Variants in METTL25 observed in about 807,000 individuals in gnomAD.
METTL25 encodes methyltransferase like 25.
A neutral mutation model predicts 71.6 loss-of-function variants in METTL25; 64 were observed. The ratio of observed to expected loss-of-function variants is 0.89; its 90% CI spans 0.73 to 1.10. METTL25 has a LOEUF of 1.10. Among genes scored for constraint, METTL25 ranks in the 50% least tolerant of loss-of-function variants. The pLI is 0.00. For synonymous variants in METTL25, 287 were observed against 250.3 expected (o/e 1.15, Z -1.38); for missense variants, 807 against 707.0 (o/e 1.14, Z -1.60).
At chr12:82,456,434 A>G (rs1891491792) in intron 8 of METTL25, among the ~76,000 whole-genome samples, 1 of 151,948 alleles carries the variant, frequency 6.6e-6, no homozygotes, top group Admixed American at 6.6e-5. Context: ...GCACAATGGA[A>G]ACTTTTGAAA....
At chr12:82,471,783 A>G (rs1289223609) in intron 9 of METTL25, among the ~76,000 whole-genome samples, 9 of 152,228 alleles carry the variant, frequency 5.9e-5, no homozygotes, top group Admixed American at 4.6e-4. Context: ...AGTAGATTTC[A>G]TAATAATAGC....
chr12:82,430,217 T>TAAA (rs1724911205), intron 5 of METTL25, among the ~76,000 whole-genome samples: 2 of 151,448 alleles, frequency 1.3e-5, no homozygotes, highest in African/African-American at 4.8e-5. Context: ...GTGGAACTAA[T>TAAA]AGTTCTACAT....
intron 9 of METTL25, among the ~76,000 whole-genome samples, chr12:82,463,598 C>T (rs759887301): frequency 4.0e-5 from 6 of 151,886 alleles, no homozygotes; most frequent in Admixed American, 1.3e-4. Flanking sequence ...GAGTAAATGC[C>T]AAGTAGTGGG....
At chr12:82,386,534 C>T (rs998130268) in intron 1 of METTL25, among the ~76,000 whole-genome samples, 2 of 145,614 alleles carry the variant, frequency 1.4e-5, no homozygotes, top group African/African-American at 5.0e-5. Context: ...CTGTCTCTGT[C>T]TCTTTCTTTC....
At chr12:82,469,966 T>A (rs1280143559) in intron 9 of METTL25, among the ~76,000 whole-genome samples, 4 of 152,172 alleles carry the variant, frequency 2.6e-5, no homozygotes, top group Non-Finnish European at 5.9e-5. Flanking sequence ...ATGCTAAAAC[T>A]GACTCAGTCC....
At chr12:82,394,988 C>A (rs11115269) in intron 3 of METTL25, among the ~76,000 whole-genome samples, 1 of 151,596 alleles carries the variant, frequency 6.6e-6, no homozygotes, top group African/African-American at 2.4e-5. Context: ...GTAGTAGGAG[C>A]TGAGGTTGTG....
intron 1 of METTL25, among the ~76,000 whole-genome samples, chr12:82,383,987 A>T (rs1039411906): frequency 6.6e-6 from 1 of 152,108 alleles, no homozygotes; most frequent in East Asian, 1.9e-4. Context: ...CCATCTTATA[A>T]CTTGTCTTAT....
Position 82,392,519 on chromosome 12 carries a change from C to T in METTL25, c.531+2597C>T, listed in dbSNP as rs112349788. On this transcript the variant is annotated intron_variant, in intron 3 of 11. Transcript: ENST00000248306. ...GAGTTGTTTGTGTCCCTTATGTATT[C>T]TGGTTGTTGATCCCTTGTCGAATGG... 4.4e-3 allele frequency among the ~76,000 whole-genome samples: 662 copies of T among 151,972 alleles called. 3 individuals are homozygous for T. Among genetic ancestry groups the T allele is most frequent in the South Asian group, 0.012 (57 of 4,810 alleles).
chr12:82,385,587 GCTTT>G (rs1320414954), intron 1 of METTL25, among the ~76,000 whole-genome samples: 1 of 152,058 alleles, frequency 6.6e-6, no homozygotes, highest in Non-Finnish European at 1.5e-5. Context: ...AAATTGGAAG[GCTTT>G]CTTTTAACTC....
Position 82,476,651 on chromosome 12 carries a change from A to G in METTL25, c.1580A>G (p.Glu527Gly). The change falls in exon 10 of 12, where the codon GAA (glutamate) becomes GGA (glycine). Residue 527 changes from glutamate (E) to glycine (G), a missense_variant. By Grantham distance (98) the Glu-to-Gly change is moderately conservative. Transcript: ENST00000248306. ...TTGTTTTTTATCTTGAAGCTGCCAG[A>G]AAAAATTATAATGAACTACTACGAG... ...KLGLDESKLP[E>G]KIIMNYYEKY... The G allele has an allele frequency of 6.3e-7, 1 of 1,591,740 alleles. No homozygotes were observed. The highest frequency in any genetic ancestry group is 8.6e-7 in the Non-Finnish European group (1 of 1,168,780).
intron 1 of METTL25, among the ~76,000 whole-genome samples, chr12:82,386,391 A>G (rs1242998358): frequency 6.6e-6 from 1 of 151,888 alleles, no homozygotes; most frequent in African/African-American, 2.4e-5. Context: ...TAATAAATAC[A>G]TCACTATTCA....
At chr12:82,368,533 G>T (rs1345130254) in intron 1 of METTL25, among the ~76,000 whole-genome samples, 2 of 152,106 alleles carry the variant, frequency 1.3e-5, no homozygotes, top group Non-Finnish European at 2.9e-5. Context: ...GCCCCCTAAG[G>T]TACCAGAAGT....
At chr12:82,477,207 A>G (rs1029659632) in intron 10 of METTL25, 74 bp from the exon 11 acceptor site, 5 of 659,992 alleles carry the variant, frequency 7.6e-6, no homozygotes, top group South Asian at 4.7e-5. Flanking sequence ...TTATTTAAAC[A>G]TAAGTTTAAG....
At chr12:82,462,825 G>C (rs117689719) in intron 9 of METTL25, among the ~76,000 whole-genome samples, 2,148 of 152,098 alleles carry the variant, frequency 0.014, 25 homozygotes, top group Non-Finnish European at 0.023. Flanking sequence ...TATTTGTATA[G>C]AACCTATGCA....
intron 9 of METTL25, chr12:82,468,913 A>AT (rs1305458284): frequency 6.6e-6 from 1 of 152,184 alleles, no homozygotes; most frequent in Non-Finnish European, 1.5e-5. Context: ...CTGCAGAGCC[A>AT]TGAACCAGTA....
In METTL25 at chr12:82,475,708, T is replaced by C. The variant is rs1892842899; in HGVS notation, c.1573-936T>C. ...GGGAGGGCTGCTTTTTTGCAAAAAT[T>C]ATAGAATCAATTTTTCCTGTTGCTT... On this transcript the variant is annotated intron_variant, in intron 9 of 11. Coordinates refer to ENST00000248306, the MANE Select transcript of METTL25 (RefSeq NM_032230.3). Among the ~76,000 whole-genome samples the C allele has an allele frequency of 2.6e-5, 4 of 152,224 alleles. No homozygotes were observed. In the South Asian group the frequency reaches 6.2e-4, roughly 24 times the overall value.
At chr12:82,450,042 C>T (rs1233859733) in intron 8 of METTL25, among the ~76,000 whole-genome samples, 1 of 152,146 alleles carries the variant, frequency 6.6e-6, no homozygotes, top group Non-Finnish European at 1.5e-5. Flanking sequence ...GTATTGCACC[C>T]AATTTTCCAC....
intron 11 of METTL25, among the ~76,000 whole-genome samples, 175 bp from the exon 12 acceptor site, chr12:82,478,757 A>G (rs1054963265): frequency 2.6e-5 from 4 of 152,074 alleles, no homozygotes; most frequent in African/African-American, 9.6e-5. Flanking sequence ...TCCTCAGCAT[A>G]AACTTTTTTG....
At chr12:82,465,321 T>G (rs948985838) in intron 9 of METTL25, among the ~76,000 whole-genome samples, 1 of 152,078 alleles carries the variant, frequency 6.6e-6, no homozygotes, top group Admixed American at 6.6e-5. Flanking sequence ...GAAGGGATGT[T>G]GAATTTTATC....
Sources: gnomAD v4.1 joint callset for allele counts (sites outside exome capture counted in the v4.1 genomes callset) on GRCh38, gnomAD v4.1.1 for gene constraint, MANE v1.5 for transcripts, NCBI Gene and HGNC (gene_info 2026-07-23, HGNC 2026-07-21) for gene names.